The following TIAM2 variants were observed in gnomAD, a reference collection of about 807,000 sequenced individuals.
The protein encoded by TIAM2 is TIAM Rac1 associated GEF 2.
TIAM2 carries 80 observed loss-of-function variants against 152.9 expected under a neutral mutation model. The ratio of observed to expected loss-of-function variants is 0.52; its 90% CI spans 0.44 to 0.63. The LOEUF (loss-of-function observed/expected upper bound fraction) is 0.63. TIAM2 is among the 30% of genes least tolerant of loss of function. The probability of loss-of-function intolerance (pLI) is 0.00; values close to 1 mark genes in which losing one functional copy is unlikely to be tolerated. For missense variants in TIAM2, 1,965 were observed against 2,120.1 expected (o/e 0.93, Z 1.44); for synonymous variants, 804 against 838.0 (o/e 0.96, Z 0.70).
chr6:155,128,128 C>G (rs1289340686), intron 3 of TIAM2, among the ~76,000 whole-genome samples: 1 of 152,122 alleles, frequency 6.6e-6, no homozygotes, highest in East Asian at 1.9e-4. Flanking sequence ...GGGGTTTTTA[C>G]AAGGAAGTAA....
At chr6:155,109,660 G>C (rs944591211) in intron 2 of TIAM2, among the ~76,000 whole-genome samples, 3 of 152,098 alleles carry the variant, frequency 2.0e-5, no homozygotes, top group Non-Finnish European at 4.4e-5. Flanking sequence ...GGTCTTTATA[G>C]TCCATAGTAT....
intron 14 of TIAM2, among the ~76,000 whole-genome samples, chr6:155,194,389 G>A (rs1025307157): frequency 3.9e-5 from 6 of 152,208 alleles, no homozygotes; most frequent in Non-Finnish European, 8.8e-5. Context: ...GGTCAGATTT[G>A]TAGGTTAGAA....
rs1409111518 is a variant in TIAM2 at position 155,174,434 on chromosome 6, G to T, written c.2362-2382G>T. Among the ~76,000 whole-genome samples the T allele has an allele frequency of 1.3e-5, 2 of 151,530 alleles. No individual in the cohort carries two copies. Among genetic ancestry groups the T allele is most frequent in the Non-Finnish European group, 2.9e-5 (2 of 67,916 alleles). On this transcript the variant is annotated intron_variant, in intron 9 of 26. Transcript: ENST00000682666. The surrounding 1 kb of genome is among the most constrained non-coding windows in gnomAD (Gnocchi z 4.2). The stretch of plus-strand genomic sequence containing the variant: ...CGCCCAGGCTGGAGTGCAGTGGCAC[G>T]ATCTTGGCTCACTGCAACCTCTGCC...
chr6:155,150,375 G>A (rs1378134682), intron 7 of TIAM2, among the ~76,000 whole-genome samples: 1 of 152,224 alleles, frequency 6.6e-6, no homozygotes, highest in Non-Finnish European at 1.5e-5. Flanking sequence ...TCAGAGGGTT[G>A]AGGTTGTACT....
intron 2 of TIAM2, among the ~76,000 whole-genome samples, chr6:155,096,880 C>G (rs1168757988): frequency 6.6e-6 from 1 of 152,188 alleles, no homozygotes; most frequent in Non-Finnish European, 1.5e-5. Context: ...AGTGGGATTG[C>G]TGGATCACAT....
intron 9 of TIAM2, among the ~76,000 whole-genome samples, chr6:155,170,178 G>T (rs1211107977): frequency 8.8e-6 from 1 of 114,220 alleles, no homozygotes; most frequent in African/African-American, 3.6e-5. Flanking sequence ...CGTATGTCAT[G>T]GCTCCCAGGA....
At chr6:155,074,853 CAAAAAAAAAAAA>C (rs71023618) in intron 1 of TIAM2, among the ~76,000 whole-genome samples, 1 of 37,664 alleles carries the variant, frequency 2.7e-5, no homozygotes, top group Non-Finnish European at 5.1e-5. Flanking sequence ...GACTCTGTCT[CAAAAAAAAAAAA>C]AAAAAAAAAA....
In TIAM2 at chr6:155,129,780, T is replaced by A. The variant is rs1779396830; in HGVS notation, c.557T>A (p.Val186Glu). The A allele has an allele frequency of 6.2e-7, 1 of 1,613,694 alleles. No homozygotes were observed. Among genetic ancestry groups the A allele is most frequent in the African/African-American group, 1.3e-5 (1 of 74,908 alleles). ...EFHNGGNPSK[V>E]PAEDCSEPVQ... is the part of the protein sequence containing the mutation. ...CACAATGGTGGCAACCCCAGCAAAG[T>A]GCCTGCAGAGGACTGCAGTGAGCCG... Residue 186 changes from valine to glutamate, a missense_variant, in exon 4 of 27, where the codon GTG becomes GAG. Transcript: ENST00000682666. This position sits in a 1 kb window ranked among gnomAD's most constrained non-coding sequence, Gnocchi z 4.8.
intron 1 of TIAM2, among the ~76,000 whole-genome samples, chr6:155,006,013 GGAGGAGCCACTGACT>G (rs1778395464): frequency 6.6e-6 from 1 of 152,236 alleles, no homozygotes; most frequent in Non-Finnish European, 1.5e-5. Context: ...GGGTGGGTAA[GGAGGAGCCACTGACT>G]GACTAGTTCT....
chr6:155,143,296 T>C (rs1430351253), intron 5 of TIAM2, among the ~76,000 whole-genome samples: 1 of 152,194 alleles, frequency 6.6e-6, no homozygotes, highest in Admixed American at 6.5e-5. Flanking sequence ...ATAATTATAA[T>C]GCAATTTCTA....
chr6:155,144,661 T>C lies in TIAM2; in HGVS notation c.1686T>C (p.Ser562=). 1 of 1,602,834 alleles carries C rather than the reference T, an allele frequency of 6.2e-7. No individual in the cohort carries two copies. ...TYGKNSMDQS[S]APRCALFAED... is the part of the protein sequence containing the mutation. Reference sequence around the variant, plus strand: ...GGAAGAATTCCATGGATCAGAGCAGTGCCCCTCGGTGTGCTCTGTTTGCAG... The same window carrying C: ...GGAAGAATTCCATGGATCAGAGCAGCGCCCCTCGGTGTGCTCTGTTTGCAG... The change falls in exon 6 of 27, where the codon AGT becomes AGC. Residue 562 remains serine, a synonymous_variant. Coordinates refer to ENST00000682666, the MANE Select transcript of TIAM2 (RefSeq NM_012454.4).
Position 155,219,001 on chromosome 6 carries a change from G to A in TIAM2, c.3168+7694G>A, listed in dbSNP as rs571634563. Among the ~76,000 whole-genome samples, 555 of 141,184 alleles carry A rather than the reference G, an allele frequency of 3.9e-3. 8 individuals carry two copies. The highest frequency in any genetic ancestry group is 0.014 in the African/African-American group (528 of 36,474). 92.6% of individuals were successfully genotyped at this position (141,184 alleles called of 152,430 possible). On this transcript the variant is annotated intron_variant, in intron 15 of 26. Transcript: ENST00000682666. Reference sequence around the variant, plus strand: ...ACCCGTGTTCTTGACCATCTCAGCCGTGTTCTTGACCATCTCAGCCGCCCA... The same window carrying A: ...ACCCGTGTTCTTGACCATCTCAGCCATGTTCTTGACCATCTCAGCCGCCCA...
At chr6:155,162,043 C>T (rs941371610) in intron 7 of TIAM2, among the ~76,000 whole-genome samples, 6 of 152,138 alleles carry the variant, frequency 3.9e-5, no homozygotes, top group African/African-American at 1.2e-4. Context: ...CTGCAGCCTC[C>T]ACCTCTTGGG....
At chr6:155,013,500 C>A (rs1256378332) in intron 1 of TIAM2, 2 of 152,132 alleles carry the variant, frequency 1.3e-5, no homozygotes, top group African/African-American at 4.8e-5. Context: ...TGCTTGCTCC[C>A]CTCTGCTACA....
intron 16 of TIAM2, among the ~76,000 whole-genome samples, chr6:155,242,559 G>A (rs1783095303): frequency 6.6e-6 from 1 of 152,154 alleles, no homozygotes; most frequent in East Asian, 1.9e-4. Flanking sequence ...GAAAGTTCTG[G>A]GGATGCTTTG....
At chr6:155,171,447 C>T (rs187748667) in intron 9 of TIAM2, among the ~76,000 whole-genome samples, 22 of 152,334 alleles carry the variant, frequency 1.4e-4, no homozygotes, top group African/African-American at 5.3e-4. Context: ...ATTGTGACAG[C>T]CCCTGGGCCT....
intron 10 of TIAM2, 52 bp downstream of exon 10, chr6:155,177,029 G>T (rs367642884): frequency 1.3e-6 from 2 of 1,562,214 alleles, no homozygotes; most frequent in Non-Finnish European, 1.7e-6. Context: ...AATCATTAAT[G>T]TTGCAATCTT....
At chr6:155,247,725 A>T (rs1783417769) in intron 19 of TIAM2, among the ~76,000 whole-genome samples, 1 of 152,212 alleles carries the variant, frequency 6.6e-6, no homozygotes, top group Admixed American at 6.5e-5. Flanking sequence ...CTTTAAAGTC[A>T]GACATTCCTG....
chr6:155,076,375 A>G (rs1220278607), intron 1 of TIAM2, among the ~76,000 whole-genome samples: 1 of 152,180 alleles, frequency 6.6e-6, no homozygotes, highest in Non-Finnish European at 1.5e-5. Context: ...ATTCATCCTT[A>G]CGAAATAATA....
Sources: allele counts gnomAD v4.1 joint callset (sites outside exome capture counted in the v4.1 genomes callset), GRCh38; gene constraint gnomAD v4.1.1; non-coding constraint Gnocchi (gnomAD v3.1); transcripts MANE v1.5; gene names NCBI Gene and HGNC (gene_info 2026-07-23, HGNC 2026-07-21).